CD36: variants seen among roughly 807,000 people sequenced by gnomAD.
The protein encoded by CD36 is platelet glycoprotein 4.
A neutral mutation model predicts 55.2 loss-of-function variants in CD36; 119 were observed. The ratio of observed to expected loss-of-function variants is 2.15; its 90% CI spans 1.86 to 2.51. The LOEUF (loss-of-function observed/expected upper bound fraction) is 2.51. CD36 is among the 30% of genes most tolerant of loss of function. The pLI, the probability that CD36 is intolerant of heterozygous loss-of-function variation, is 0.00. For synonymous variants in CD36, 186 were observed against 193.6 expected (o/e 0.96, Z 0.33); for missense variants, 819 against 555.5 (o/e 1.47, Z -4.77).
chr7:80,616,371 A>G (rs564414264), intron 1 of CD36, among the ~76,000 whole-genome samples: 2 of 151,260 alleles, frequency 1.3e-5, no homozygotes, highest in African/African-American at 2.4e-5. Context: ...CTTTTACACC[A>G]TTGTGATGTT....
intron 6 of CD36, among the ~76,000 whole-genome samples, chr7:80,663,527 T>C (rs181474845): frequency 6.6e-6 from 1 of 152,296 alleles, no homozygotes; most frequent in East Asian, 1.9e-4. Context: ...ATATTTTTAT[T>C]TGTTTTAAAT....
chr7:80,612,074 G>A (rs1024401782), intron 1 of CD36, among the ~76,000 whole-genome samples: 1 of 152,190 alleles, frequency 6.6e-6, no homozygotes, highest in Non-Finnish European at 1.5e-5. Flanking sequence ...AATAATATCA[G>A]CCCAGCTCCT....
At chr7:80,660,148 T>C (rs1274912997) in intron 4 of CD36, among the ~76,000 whole-genome samples, 1 of 152,180 alleles carries the variant, frequency 6.6e-6, no homozygotes, top group Non-Finnish European at 1.5e-5. Flanking sequence ...AGTGCAATTA[T>C]GATATATATC....
intron 2 of CD36, 97 bp from the exon 3 acceptor site, chr7:80,646,555 G>A (rs1228581827): frequency 1.2e-5 from 8 of 671,900 alleles, no homozygotes; most frequent in African/African-American, 5.5e-5. Context: ...TATTTAGAAC[G>A]GGCAAAATGA....
intron 1 of CD36, among the ~76,000 whole-genome samples, chr7:80,622,727 G>A (rs531759909): frequency 1.3e-5 from 2 of 152,144 alleles, no homozygotes; most frequent in Non-Finnish European, 2.9e-5. Context: ...ATTTATATCC[G>A]AACAAATGTG....
intron 12 of CD36, chr7:80,673,052 C>T: frequency 3.6e-6 from 2 of 556,614 alleles, no homozygotes; most frequent in Non-Finnish European, 6.4e-6. Flanking sequence ...CATTTGATAG[C>T]ATCTCTTATT....
At chr7:80,665,776 G>T (rs1169171727) in intron 7 of CD36, 1 of 151,932 alleles carries the variant, frequency 6.6e-6, no homozygotes, top group Non-Finnish European at 1.5e-5. Flanking sequence ...GTCAGGAGTG[G>T]AAAAAAAGTT....
intron 1 of CD36, among the ~76,000 whole-genome samples, chr7:80,604,921 T>C (rs1018030511): frequency 6.6e-6 from 1 of 152,134 alleles, no homozygotes; most frequent in Non-Finnish European, 1.5e-5. Flanking sequence ...TGAAATTCAT[T>C]TGGAGGTTCC....
Position 80,661,123 on chromosome 7 carries a change from C to A in CD36, c.342C>A (p.Phe114Leu). 2 of 1,613,912 alleles carry A rather than the reference C, an allele frequency of 1.2e-6. No individual in the cohort carries two copies. The highest frequency in any genetic ancestry group is 1.7e-6 in the Non-Finnish European group (2 of 1,179,798). ...ACGCTGAGGACAACACAGTCTCTTT[C>A]CTGCAGCCCAATGGTGCCATCTTCG... Reference protein sequence around the residue: ...TQDAEDNTVSFLQPNGAIFEP... With the variant: ...TQDAEDNTVSLLQPNGAIFEP... The change falls in exon 5 of 15, where the codon TTC becomes TTA. Residue 114 changes from phenylalanine to leucine, a missense_variant. Coordinates refer to ENST00000447544, the MANE Select transcript of CD36 (RefSeq NM_001001548.3).
In CD36 at chr7:80,670,188, T is replaced by C. The variant is rs115165762; in HGVS notation, c.818+166T>C. On this transcript the variant is annotated intron_variant, in intron 9 of 14. Transcript: ENST00000447544. ...ATTTTTAATAGTACAAATTTTTTTT[T>C]TTTTTGCCATTTCTATCTAAGCAAG... is the stretch of plus-strand genomic sequence containing the variant. 3,953 of 609,742 alleles carry C rather than the reference T, an allele frequency of 6.5e-3. 113 individuals carry two copies. The African/African-American group carries it at 0.065, about 10-fold the overall frequency. The allele number at this position is 609,742 out of a possible 1,614,324, so 37.8% of individuals were successfully genotyped here.
intron 12 of CD36, 63 bp downstream of exon 12, chr7:80,672,906 A>AACATGAGTAAATCTAT: frequency 9.6e-7 from 1 of 1,040,036 alleles, no homozygotes; most frequent in Non-Finnish European, 1.5e-6. Flanking sequence ...TTCTTGTAAG[A>AACATGAGTAAATCTAT]ACATGAGTAA....
chr7:80,651,282 A>G (rs1197160602), intron 3 of CD36, among the ~76,000 whole-genome samples: 2 of 152,080 alleles, frequency 1.3e-5, no homozygotes, highest in Non-Finnish European at 2.9e-5. Flanking sequence ...ACTACCTATC[A>G]GGTACTATGC....
Position 80,663,407 on chromosome 7 carries a change from T to C in CD36, c.609+238T>C, listed in dbSNP as rs1160537790. Among the ~76,000 whole-genome samples the C allele has an allele frequency of 2.6e-5, 4 of 152,174 alleles. No homozygotes were observed. In the East Asian group the frequency reaches 7.7e-4, roughly 29 times the overall value. ...AGAATAGATTTAATAAGGTTTCTAC[T>C]CATTTATAAATACACAATTTTTTTT... On this transcript the variant is annotated intron_variant, in intron 6 of 14. Coordinates refer to ENST00000447544, the MANE Select transcript of CD36 (RefSeq NM_001001548.3).
At position 80,641,679 on chromosome 7, in the gene CD36, A is replaced by T. The variant is rs566834351; in HGVS notation, c.-184+2933A>T. On this transcript the variant is annotated intron_variant, in intron 1 of 14. Coordinates refer to ENST00000447544, the MANE Select transcript of CD36 (RefSeq NM_001001548.3). ...AAACTTTTCAAATTTCATAGTTTAC[A>T]TCCCAGCAGATGTTACTTCAGGGCC... Among the ~76,000 whole-genome samples, 11 of 152,250 alleles carry T rather than the reference A, an allele frequency of 7.2e-5. 1 individual carries two copies. In the South Asian group the frequency reaches 2.3e-3, roughly 32 times the overall value.
At chr7:80,659,614 A>G (rs1486646192) in intron 4 of CD36, among the ~76,000 whole-genome samples, 1 of 152,184 alleles carries the variant, frequency 6.6e-6, no homozygotes, top group Non-Finnish European at 1.5e-5. Context: ...TTAAAACAAC[A>G]TTCTAAAGGC....
intron 8 of CD36, 28 bp from the exon 9 acceptor site, chr7:80,669,924 TA>T: frequency 6.5e-7 from 1 of 1,536,176 alleles, no homozygotes; most frequent in South Asian, 1.1e-5. Context: ...ACATTACATC[TA>T]ATCATTTGCC....
intron 1 of CD36, among the ~76,000 whole-genome samples, chr7:80,609,163 A>G (rs888909162): frequency 2.0e-5 from 3 of 152,164 alleles, no homozygotes; most frequent in African/African-American, 7.2e-5. Context: ...AAAGTTTGGT[A>G]TAGTATGTGT....
intron 8 of CD36, among the ~76,000 whole-genome samples, chr7:80,669,700 T>A (rs1797461775): frequency 6.6e-6 from 1 of 152,158 alleles, no homozygotes; most frequent in Non-Finnish European, 1.5e-5. Flanking sequence ...TTTCACCATG[T>A]AGGCCAGGCT....
chr7:80,631,865 T>C lies in CD36; in HGVS notation c.-183-14223T>C, dbSNP rs1442892982. 5.9e-5 allele frequency among the ~76,000 whole-genome samples: 9 copies of C among 151,756 alleles called. No homozygotes were observed. In the Admixed American group the frequency reaches 5.9e-4, roughly 10 times the overall value. On this transcript the variant is annotated intron_variant, in intron 1 of 13. Transcript: ENST00000309881. ...ATAATGTACAAAACACACATATTTGTATTTGTTTTTTACAAAGTATTGTAT... is the reference window on the plus strand; with the variant it reads ...ATAATGTACAAAACACACATATTTGCATTTGTTTTTTACAAAGTATTGTAT...
Sources: allele counts gnomAD v4.1 joint callset (sites outside exome capture counted in the v4.1 genomes callset), GRCh38; gene constraint gnomAD v4.1.1; transcripts MANE v1.5; gene names NCBI Gene and HGNC (gene_info 2026-07-23, HGNC 2026-07-21).